CFTR: variants seen among roughly 807,000 people sequenced by gnomAD.
The protein encoded by CFTR is CF transmembrane conductance regulator.
CFTR carries 181 observed loss-of-function variants against 171.6 expected under a neutral mutation model. The observed-to-expected ratio is 1.05, with a 90% CI of 0.93 to 1.19. The LOEUF (loss-of-function observed/expected upper bound fraction) is 1.19. Among genes scored for constraint, CFTR ranks in the 50% most tolerant of loss-of-function variants. The pLI, the probability that CFTR is intolerant of heterozygous loss-of-function variation, is 0.00. For synonymous variants in CFTR, 583 were observed against 608.0 expected (o/e 0.96, Z 0.60); for missense variants, 1,968 against 1,734.7 (o/e 1.13, Z -2.39).
At chr7:117,557,117 A>G (rs1423258402) in intron 10 of CFTR, among the ~76,000 whole-genome samples, 3 of 152,052 alleles carry the variant, frequency 2.0e-5, no homozygotes, top group Non-Finnish European at 4.4e-5. Flanking sequence ...ATTCTGATAT[A>G]TAGTGTTTCC....
Position 117,504,338 on chromosome 7 carries a change from G to A in CFTR, c.139G>A (p.Asp47Asn). 6.2e-7 allele frequency: 1 copy of A among 1,600,516 alleles called. No homozygotes were observed. Among genetic ancestry groups the A allele is most frequent in the Non-Finnish European group, 8.6e-7 (1 of 1,167,766 alleles). The change falls in exon 2 of 27, where the codon GAC (aspartate) becomes AAC (asparagine). Residue 47 changes from aspartate to asparagine, a missense_variant. Coordinates refer to ENST00000003084, the MANE Select transcript of CFTR (RefSeq NM_000492.4). ...CCAAATCCCTTCTGTTGATTCTGCTGACAATCTATCTGAAAAATTGGAAAG... is the reference window on the plus strand; with the variant it reads ...CCAAATCCCTTCTGTTGATTCTGCTAACAATCTATCTGAAAAATTGGAAAG... ...IYQIPSVDSA[D>N]NLSEKLEREW...
At chr7:117,533,306 T>A (rs1359677116) in intron 4 of CFTR, among the ~76,000 whole-genome samples, 1 of 152,134 alleles carries the variant, frequency 6.6e-6, no homozygotes, top group Non-Finnish European at 1.5e-5. Flanking sequence ...CTATTTATTA[T>A]TCTACACCAT....
rs140502196 is a variant in CFTR, at chr7:117,530,957, C to G, written c.332C>G (p.Pro111Arg). The G allele has an allele frequency of 1.2e-6, 2 of 1,613,770 alleles. No homozygotes were observed. The highest frequency in any genetic ancestry group is 1.3e-5 in the African/African-American group (1 of 75,012). The part of the protein sequence containing the change: ...LLGRIIASYD[P>R]DNKEERSIAI... ...GGAAGAATCATAGCTTCCTATGACC[C>G]GGATAACAAGGAGGAACGCTCTATC... is the stretch of plus-strand genomic sequence containing the variant. The change falls in exon 4 of 27, where the codon CCG becomes CGG. Residue 111 changes from proline to arginine, a missense_variant. Physicochemically the swap from Pro to Arg is moderately radical, Grantham distance 103 (BLOSUM62 -2). Coordinates refer to ENST00000003084, the MANE Select transcript of CFTR (RefSeq NM_000492.4).
In CFTR at chr7:117,592,418, C is replaced by T. The variant is rs772661780; in HGVS notation, c.2251C>T (p.Arg751Cys). Residue 751 changes from arginine to cysteine, a missense_variant, in exon 14 of 27, where the codon CGC (arginine) becomes TGC (cysteine). Physicochemically the swap from Arg to Cys is radical, Grantham distance 180 (BLOSUM62 -3). Transcript: ENST00000003084. Reference protein sequence around the residue: ...DSEQGEAILPRISVISTGPTL... With the variant: ...DSEQGEAILPCISVISTGPTL... ...TGAGCAGGGAGAGGCGATACTGCCT[C>T]GCATCAGCGTGATCAGCACTGGCCC... 1.5e-5 allele frequency: 24 copies of T among 1,612,822 alleles called. No individual in the cohort carries two copies. Among genetic ancestry groups the T allele is most frequent in the South Asian group, 2.2e-5 (2 of 90,874 alleles).
rs769754499 is a variant in CFTR at position 117,509,120 on chromosome 7, A to G, written c.251A>G (p.Tyr84Cys). The change falls in exon 3 of 27, where the codon TAT becomes TGT. Residue 84 changes from tyrosine to cysteine, a missense_variant. Coordinates refer to ENST00000003084, the MANE Select transcript of CFTR (RefSeq NM_000492.4). Reference protein sequence around the residue: ...RRCFFWRFMFYGIFLYLGEVT... With the variant: ...RRCFFWRFMFCGIFLYLGEVT... ...TGTTTTTTCTGGAGATTTATGTTCT[A>G]TGGAATCTTTTTATATTTAGGGGTA... 3.8e-6 allele frequency: 6 copies of G among 1,599,062 alleles called. No individual in the cohort carries two copies. The African/African-American group carries it at 4.0e-5, about 11-fold the overall frequency.
At chr7:117,511,634 A>C (rs1798519905) in intron 3 of CFTR, among the ~76,000 whole-genome samples, 1 of 152,180 alleles carries the variant, frequency 6.6e-6, no homozygotes, top group African/African-American at 2.4e-5. Context: ...AGAGAGAAGA[A>C]TATTTATATT....
intron 14 of CFTR, among the ~76,000 whole-genome samples, chr7:117,594,196 C>G (rs1334762063): frequency 6.6e-6 from 1 of 152,130 alleles, no homozygotes; most frequent in African/African-American, 2.4e-5. Flanking sequence ...ATCTGTCTGA[C>G]TCAAAAAATG....
chr7:117,588,984 C>T (rs1469833052), intron 12 of CFTR, among the ~76,000 whole-genome samples: 4 of 152,006 alleles, frequency 2.6e-5, no homozygotes, highest in African/African-American at 9.7e-5. Context: ...TCTAAGAATT[C>T]CACAAATTTA....
chr7:117,605,232 G>T (rs907886361), intron 17 of CFTR, among the ~76,000 whole-genome samples: 2 of 151,944 alleles, frequency 1.3e-5, no homozygotes, highest in African/African-American at 4.8e-5. Flanking sequence ...CACCAGGATG[G>T]TTTTTTCTTT....
intron 11 of CFTR, among the ~76,000 whole-genome samples, chr7:117,567,964 G>A: frequency 6.6e-6 from 1 of 152,188 alleles, no homozygotes; most frequent in East Asian, 1.9e-4. Context: ...GCTGAGAGAG[G>A]ATGGATAAAC....
At position 117,530,927 on chromosome 7, in the gene CFTR, T is replaced by G. The variant is rs397508484; in HGVS notation, c.302T>G (p.Leu101Ter). 6.2e-7 allele frequency: 1 copy of G among 1,613,494 alleles called. No individual in the cohort carries two copies. The highest frequency in any genetic ancestry group is 1.1e-5 in the South Asian group (1 of 91,044). ...GTCACCAAAGCAGTACAGCCTCTCT[T>G]ACTGGGAAGAATCATAGCTTCCTAT... ...GEVTKAVQPL[L>*]LGRIIASYDP... is the part of the protein sequence containing the mutation. The change falls in exon 4 of 27, where the codon TTA (leucine) becomes TGA (stop). Residue 101 changes from leucine (L) to a stop codon, truncating the protein, a stop_gained. Transcript: ENST00000003084. LOFTEE classifies it high-confidence loss of function.
chr7:117,594,731 T>C (rs1231248524), intron 14 of CFTR, among the ~76,000 whole-genome samples, 199 bp from the exon 15 acceptor site: 1 of 152,226 alleles, frequency 6.6e-6, no homozygotes, highest in Non-Finnish European at 1.5e-5. Context: ...TCATTTTTAA[T>C]AAAGCTGTGT....
chr7:117,603,243 G>A (rs138346906), intron 16 of CFTR, among the ~76,000 whole-genome samples: 127 of 152,242 alleles, frequency 8.3e-4, no homozygotes, highest in Non-Finnish European at 1.4e-3. Context: ...AAAGAATATA[G>A]TTCTGTTCAG....
chr7:117,501,125 T>TCTG (rs1190838916), intron 1 of CFTR, among the ~76,000 whole-genome samples: 3 of 152,226 alleles, frequency 2.0e-5, no homozygotes, highest in Admixed American at 6.5e-5. Flanking sequence ...ATAGTGAAAT[T>TCTG]CTGCTCATTT....
chr7:117,608,592 C>T (rs1438970763), intron 18 of CFTR, among the ~76,000 whole-genome samples: 1 of 152,076 alleles, frequency 6.6e-6, no homozygotes, highest in Non-Finnish European at 1.5e-5. Flanking sequence ...TTAATTTACC[C>T]ATTTTATTTG....
chr7:117,508,980 A>C, intron 2 of CFTR, 54 bp from the exon 3 acceptor site: 1 of 1,064,394 alleles, frequency 9.4e-7, no homozygotes, highest in Non-Finnish European at 1.5e-6. Context: ...GAAATAGGAC[A>C]ACTAAAATAT....
At chr7:117,658,214 G>T (rs1793212422) in intron 24 of CFTR, among the ~76,000 whole-genome samples, 1 of 151,812 alleles carries the variant, frequency 6.6e-6, no homozygotes, top group Non-Finnish European at 1.5e-5. Context: ...AGACCAAAGA[G>T]AATTTCAAAA....
rs78447434 is a variant in CFTR at position 117,516,127 on chromosome 7, T to C, written c.273+6985T>C. On this transcript the variant is annotated intron_variant, in intron 3 of 26. Coordinates refer to ENST00000003084, the MANE Select transcript of CFTR (RefSeq NM_000492.4). ...TTGTAGGAATATGGTGCATCTTGCATTATTTTAGCTAACTAGTGTCCTTTA... is the reference window on the plus strand; with the variant it reads ...TTGTAGGAATATGGTGCATCTTGCACTATTTTAGCTAACTAGTGTCCTTTA... Among the ~76,000 whole-genome samples, 51 of 152,334 alleles carry C rather than the reference T, an allele frequency of 3.3e-4. No homozygotes were observed. In the East Asian group the frequency reaches 7.5e-3, roughly 22 times the overall value.
chr7:117,612,006 G>GATATATATAT (rs375943671), intron 20 of CFTR, among the ~76,000 whole-genome samples, 198 bp downstream of exon 20: 2 of 76,792 alleles, frequency 2.6e-5, no homozygotes, highest in Non-Finnish European at 5.2e-5. Flanking sequence ...CTTGAAATCG[G>GATATATATAT]ATATATATAT....
Sources: gnomAD v4.1 joint callset for allele counts (sites outside exome capture counted in the v4.1 genomes callset) on GRCh38, gnomAD v4.1.1 for gene constraint, MANE v1.5 for transcripts, NCBI Gene and HGNC (gene_info 2026-07-23, HGNC 2026-07-21) for gene names.